CLIP1: variants seen among roughly 807,000 people sequenced by gnomAD.
CLIP1 encodes CAP-Gly domain containing linker protein 1.
A neutral mutation model predicts 161.6 loss-of-function variants in CLIP1; 66 were observed. That is an observed-to-expected ratio of 0.41 (90% CI 0.33 to 0.50). CLIP1 has a LOEUF of 0.50. Among genes scored for constraint, CLIP1 ranks in the 20% least tolerant of loss-of-function variants. CLIP1 has a pLI of 0.27. For missense variants in CLIP1, 1,376 were observed against 1,702.0 expected (o/e 0.81, Z 3.37); for synonymous variants, 598 against 626.2 (o/e 0.96, Z 0.67).
rs1395670040 is a variant in CLIP1, at chr12:122,384,526, C to T, written c.-106-3968G>A. Among the ~76,000 whole-genome samples the T allele has an allele frequency of 3.3e-5, 5 of 152,068 alleles. No homozygotes were observed. In the East Asian group the frequency reaches 9.6e-4, roughly 29 times the overall value. On this transcript the variant is annotated intron_variant, in intron 1 of 25. Coordinates refer to ENST00000620786, the MANE Select transcript of CLIP1 (RefSeq NM_001247997.2). ...CCTATAATCCCAGCACTTTGGAAGG[C>T]TGAGGTGGGCGGATCACCTGAGGTC...
Position 122,380,429 on chromosome 12 carries a change from C to A in CLIP1, c.24G>T (p.Gly8=). 1 of 1,612,934 alleles carries A rather than the reference C, an allele frequency of 6.2e-7. No individual in the cohort carries two copies. Among genetic ancestry groups the A allele is most frequent in the African/African-American group, 1.3e-5 (1 of 74,930 alleles). Residue 8 remains glycine (G), a synonymous_variant, in exon 2 of 26, where the codon GGG becomes GGT. Coordinates refer to ENST00000620786, the MANE Select transcript of CLIP1 (RefSeq NM_001247997.2). MSMLKPS[G]LKAPTKILKP... ...TCAGGATCTTGGTGGGGGCCTTAAG[C>A]CCACTTGGCTTTAGCATACTCATTT...
intron 1 of CLIP1, among the ~76,000 whole-genome samples, chr12:122,390,381 G>A (rs978078329): frequency 6.9e-6 from 1 of 145,680 alleles, no homozygotes; most frequent in Admixed American, 7.0e-5. Flanking sequence ...GCACAATCTC[G>A]GCTCACTGCA....
chr12:122,366,620 C>T (rs1954185443), intron 3 of CLIP1, among the ~76,000 whole-genome samples: 1 of 152,196 alleles, frequency 6.6e-6, no homozygotes, highest in African/African-American at 2.4e-5. Context: ...GCAGGCGGAT[C>T]ACTTGAGGCC....
chr12:122,281,394 G>A (rs1251743938), intron 21 of CLIP1, among the ~76,000 whole-genome samples: 1 of 152,136 alleles, frequency 6.6e-6, no homozygotes, highest in East Asian at 1.9e-4. Flanking sequence ...ATGCAATAAA[G>A]CCTGGGTTTC....
At chr12:122,357,723 C>G (rs1443623461) in intron 5 of CLIP1, among the ~76,000 whole-genome samples, 2 of 148,484 alleles carry the variant, frequency 1.3e-5, no homozygotes, top group Non-Finnish European at 3.0e-5. Context: ...GCCGCCCCGT[C>G]CGGGAGGTGA....
chr12:122,352,589 A>C, intron 8 of CLIP1, 137 bp downstream of exon 8: 4 of 749,618 alleles, frequency 5.3e-6, no homozygotes. Context: ...CCGTCACCAC[A>C]AAGCCACCCC....
At chr12:122,301,697 A>G (rs912002802) in intron 20 of CLIP1, among the ~76,000 whole-genome samples, 2 of 152,060 alleles carry the variant, frequency 1.3e-5, no homozygotes, top group African/African-American at 4.8e-5. Flanking sequence ...ACCCCACAAC[A>G]TTAGTATGTG....
rs549769132 is a variant in CLIP1 at position 122,355,835 on chromosome 12, G to A, written c.1006-523C>T. 2.6e-5 allele frequency: 4 copies of A among 154,232 alleles called. No individual in the cohort carries two copies. The highest frequency in any genetic ancestry group is 6.5e-5 in the Admixed American group (1 of 15,386). The allele number at this position is 154,232 out of a possible 1,614,324, so 9.6% of individuals were successfully genotyped here. A position where few individuals can be genotyped will look rare whatever the true frequency, so the allele number is the denominator to read the frequency against. On this transcript the variant is annotated intron_variant, in intron 5 of 25. Coordinates refer to ENST00000620786, the MANE Select transcript of CLIP1 (RefSeq NM_001247997.2). The surrounding 1 kb of genome is among the most constrained non-coding windows in gnomAD (Gnocchi z 4.1). ...TTGCCATGTTCGCCAGGCTGTTCTC[G>A]AACTCTAAAGTGCTAAGGTTACAGG...
At chr12:122,345,546 C>T (rs962871931) in intron 10 of CLIP1, among the ~76,000 whole-genome samples, 3 of 152,038 alleles carry the variant, frequency 2.0e-5, no homozygotes, top group Non-Finnish European at 4.4e-5. Context: ...AAAATAAAAA[C>T]ACATGATTTA....
intron 19 of CLIP1, among the ~76,000 whole-genome samples, chr12:122,313,130 T>C (rs1951123556): frequency 6.6e-6 from 1 of 152,202 alleles, no homozygotes; most frequent in Non-Finnish European, 1.5e-5. Context: ...TGTCTCCCAC[T>C]GTTCCTCCCT....
At chr12:122,290,611 C>G (rs1956059919) in intron 20 of CLIP1, among the ~76,000 whole-genome samples, 1 of 151,956 alleles carries the variant, frequency 6.6e-6, no homozygotes, top group Non-Finnish European at 1.5e-5. Context: ...GCATGGCAGA[C>G]AATTCACAAA....
At position 122,355,227 on chromosome 12, in the gene CLIP1, A is replaced by C; in HGVS notation, c.1091T>G (p.Ile364Ser). ...ATCCCGTTCCGCCAGCAGCTGCTCA[A>C]TGTGCTGCTGCTTCTCCTTCAGGGC... ...QEALKEKQQH[I>S]EQLLAERDLE... Residue 364 changes from isoleucine (I) to serine (S), a missense_variant, in exon 6 of 26, where the codon ATT becomes AGT. Ile to Ser is a moderately radical substitution (Grantham distance 142). Around this residue, in one of 6 missense-constraint regions of CLIP1, gnomAD observed 211 missense variants for 295.1 expected, o/e 0.72. Transcript: ENST00000620786. The surrounding 1 kb of genome is among the most constrained non-coding windows in gnomAD (Gnocchi z 4.1). 1 of 1,614,108 alleles carries C rather than the reference A, an allele frequency of 6.2e-7. No individual in the cohort carries two copies. The highest frequency in any genetic ancestry group is 8.5e-7 in the Non-Finnish European group (1 of 1,179,932).
Position 122,377,639 on chromosome 12 carries a change from C to T in CLIP1, c.407G>A (p.Gly136Asp). ...TCGGGAGGCGGGCGTTGTCTGCAGG[C>T]CATTAGCTTCATCTTCTGCTTGCAC... Reference protein sequence around the residue: ...RKVQAEDEANGLQTTPASRAT... With the variant: ...RKVQAEDEANDLQTTPASRAT... Residue 136 changes from glycine (G) to aspartate (D), a missense_variant, in exon 3 of 26, where the codon GGC becomes GAC. Physicochemically the swap from Gly to Asp is moderately conservative, Grantham distance 94. Around this residue, in one of 6 missense-constraint regions of CLIP1, gnomAD observed 119 missense variants for 112.0 expected, o/e 1.06. Transcript: ENST00000620786. The T allele has an allele frequency of 3.1e-6, 5 of 1,613,712 alleles. No homozygotes were observed. The highest frequency in any genetic ancestry group is 4.2e-6 in the Non-Finnish European group (5 of 1,179,990).
At chr12:122,405,714 G>C (rs1001577586) in intron 1 of CLIP1, among the ~76,000 whole-genome samples, 1 of 151,646 alleles carries the variant, frequency 6.6e-6, no homozygotes, top group Non-Finnish European at 1.5e-5. Flanking sequence ...CTTGAGCAAG[G>C]GAGGCAGAGG....
At chr12:122,275,644 G>GCACACACGCACACACACA (rs1555253370) in intron 24 of CLIP1, 1 of 147,538 alleles carries the variant, frequency 6.8e-6, no homozygotes, top group African/African-American at 2.5e-5. Context: ...ACACACACGC[G>GCACACACGCACACACACA]CACACACACA....
chr12:122,403,481 G>A (rs1956206960), intron 1 of CLIP1, among the ~76,000 whole-genome samples: 1 of 147,502 alleles, frequency 6.8e-6, no homozygotes, highest in Non-Finnish European at 1.5e-5. Context: ...TACAGTAGGA[G>A]ACATCATTTC....
chr12:122,386,218 A>G lies in CLIP1; in HGVS notation c.-106-5660T>C, dbSNP rs371850475. On this transcript the variant is annotated intron_variant, in intron 1 of 25. Transcript: ENST00000620786. ...GGAGGACCGCTTGAACCCAGGAGAC[A>G]GAGGTTGCAGTGAGCCGAGATCACA... Among the ~76,000 whole-genome samples the G allele has an allele frequency of 5.0e-4, 76 of 151,502 alleles. No homozygotes were observed. In the South Asian group the frequency reaches 0.015, roughly 30 times the overall value.
At chr12:122,275,470 G>GT (rs1955373626) in intron 24 of CLIP1, 1 of 151,994 alleles carries the variant, frequency 6.6e-6, no homozygotes, top group Non-Finnish European at 1.5e-5. Context: ...AATTAGCTGG[G>GT]TGTGGTGGCT....
intron 1 of CLIP1, among the ~76,000 whole-genome samples, chr12:122,414,775 G>T (rs971399977): frequency 1.3e-5 from 2 of 151,976 alleles, no homozygotes; most frequent in African/African-American, 4.8e-5. Flanking sequence ...CAAAATTCTT[G>T]TACAGTACCA....
Sources: allele counts gnomAD v4.1 joint callset (sites outside exome capture counted in the v4.1 genomes callset), GRCh38; gene constraint gnomAD v4.1.1; regional missense constraint gnomAD v4.1.1; non-coding constraint Gnocchi (gnomAD v3.1); transcripts MANE v1.5; gene names NCBI Gene and HGNC (gene_info 2026-07-23, HGNC 2026-07-21).